Variants in DEF6 observed in about 807,000 individuals in gnomAD.
The protein encoded by DEF6 is DEF6 guanine nucleotide exchange factor.
Under a neutral mutation model 80.5 loss-of-function variants are expected in DEF6, and 32 were observed. That is an observed-to-expected ratio of 0.40 (90% CI 0.30 to 0.53). The LOEUF (loss-of-function observed/expected upper bound fraction) is 0.53, where lower values mean the gene tolerates loss of function less well. DEF6 is among the 20% of genes least tolerant of loss of function. The probability of loss-of-function intolerance (pLI) is 0.57; values close to 1 mark genes in which losing one functional copy is unlikely to be tolerated. For missense variants in DEF6, 575 were observed against 818.7 expected, an observed-to-expected ratio of 0.70 and a Z score of 3.63; for synonymous variants, 300 against 337.9, an observed-to-expected ratio of 0.89 and a Z score of 1.23.
intron 1 of DEF6, among the ~76,000 whole-genome samples, chr6:35,305,359 A>C (rs755967863): frequency 2.5e-4 from 38 of 151,812 alleles, no homozygotes; most frequent in Non-Finnish European, 5.0e-4. Context: ...GCATGGTGAC[A>C]CATGCCTGTA....
chr6:35,305,618 G>A (rs1791378980), intron 1 of DEF6, among the ~76,000 whole-genome samples: 1 of 151,996 alleles, frequency 6.6e-6, no homozygotes, highest in Non-Finnish European at 1.5e-5. Context: ...CACCCAGGCT[G>A]GAGTGCAGTG....
chr6:35,319,531 C>A lies in DEF6; in HGVS notation c.1223C>A (p.Ala408Asp). ...GQLREAEQAR[A>D]SMQAEMELKE... is the part of the protein sequence containing the mutation. ...CACCTCCCCCCTCCACAGGCCCGGG[C>A]CTCCATGCAGGCTGAGATGGAGCTG... The change falls in exon 8 of 11, where the codon GCC becomes GAC. Residue 408 changes from alanine to aspartate, a missense_variant. Transcript: ENST00000316637. This position sits in a 1 kb window ranked among gnomAD's most constrained non-coding sequence, Gnocchi z 4.5. The A allele has an allele frequency of 6.2e-7, 1 of 1,611,074 alleles. No homozygotes were observed. The highest frequency in any genetic ancestry group is 1.8e-4 in the Middle Eastern group (1 of 5,662).
chr6:35,299,718 A>C (rs1313566486), intron 1 of DEF6, among the ~76,000 whole-genome samples: 2 of 152,196 alleles, frequency 1.3e-5, no homozygotes, highest in Middle Eastern at 3.2e-3. Flanking sequence ...TCAATTATAG[A>C]GTTCCCTCCT....
rs1044799317 is a variant in DEF6, at chr6:35,321,538, C to T, written c.*128C>T. On this transcript the variant is annotated 3_prime_UTR_variant, in exon 11 of 11. Coordinates refer to ENST00000316637, the MANE Select transcript of DEF6 (RefSeq NM_022047.4). ...CCTGGTGCCAGGGGCCCAGGCCCTC[C>T]AACCATAAACAGTCCAGGATGGAAC... is the stretch of plus-strand genomic sequence containing the variant. The T allele has an allele frequency of 7.6e-6, 6 of 791,188 alleles. No homozygotes were observed. The highest frequency in any genetic ancestry group is 1.2e-5 in the Non-Finnish European group (6 of 501,832). 49.0% of individuals were successfully genotyped at this position (791,188 alleles called of 1,614,324 possible).
chr6:35,321,229 C>A lies in DEF6; in HGVS notation c.1715C>A (p.Pro572His), dbSNP rs766994403. 1 of 1,613,198 alleles carries A rather than the reference C, an allele frequency of 6.2e-7. No individual in the cohort carries two copies. Among genetic ancestry groups the A allele is most frequent in the Non-Finnish European group, 8.5e-7 (1 of 1,179,970 alleles). The change falls in exon 11 of 11, where the codon CCC becomes CAC. Residue 572 changes from proline to histidine, a missense_variant. Pro to His is a moderately conservative substitution (Grantham distance 77). Transcript: ENST00000316637. ...AGCAGCTCCTTCTCAGGCTTCCAGC[C>A]CCCTCTGCTTGCCCACCGTGACTCC... ...VTSSSFSGFQ[P>H]PLLAHRDSSL... is the part of the protein sequence containing the mutation.
Position 35,312,640 on chromosome 6 carries a change from G to T in DEF6, c.675G>T (p.Lys225Asn), listed in dbSNP as rs1007334490. ...CCGGCTGGCAGGGCTACCTGTGGAA[G>T]CGAGGGCACCTGAGAAGGAACTGGG... ...QDVLKQGYLW[K>N]RGHLRRNWAE... The change falls in exon 5 of 11, where the codon AAG becomes AAT. Residue 225 changes from lysine to asparagine, a missense_variant. Physicochemically the swap from Lys to Asn is moderately conservative, Grantham distance 94. Transcript: ENST00000316637. The surrounding 1 kb of genome is among the most constrained non-coding windows in gnomAD (Gnocchi z 6.6). The T allele has an allele frequency of 6.2e-7, 1 of 1,614,102 alleles. No homozygotes were observed. Among genetic ancestry groups the T allele is most frequent in the Non-Finnish European group, 8.5e-7 (1 of 1,180,038 alleles).
chr6:35,318,578 A>AG lies in DEF6; in HGVS notation c.1215+111dup. 8.9e-7 allele frequency: 1 copy of AG among 1,120,406 alleles called. No individual in the cohort carries two copies. Among genetic ancestry groups the AG allele is most frequent in the Non-Finnish European group, 1.2e-6 (1 of 859,234 alleles). The allele number at this position is 1,120,406 out of a possible 1,614,324, so 69.4% of individuals were successfully genotyped here. ...GGCAGAGGGCGGAGCTCCTGGGTTG[A>AG]GGGGCGTGCACTGGGGTGGAGCTTG... On this transcript the variant is annotated intron_variant, in intron 7 of 10. Coordinates refer to ENST00000316637, the MANE Select transcript of DEF6 (RefSeq NM_022047.4). The surrounding 1 kb of genome is among the most constrained non-coding windows in gnomAD (Gnocchi z 5.1).
At position 35,312,824 on chromosome 6, in the gene DEF6, G is replaced by A. The variant is rs1468768021; in HGVS notation, c.807+52G>A. 6.4e-7 allele frequency: 1 copy of A among 1,572,782 alleles called. No individual in the cohort carries two copies. The highest frequency in any genetic ancestry group is 1.8e-5 in the Admixed American group (1 of 54,652). ...CATCTCAGGGCCCAGAGTGTCCTCA[G>A]GGGCATGAGAAGACAAGGGGGTCAG... is the stretch of plus-strand genomic sequence containing the variant. On this transcript the variant is annotated intron_variant, in intron 5 of 10. Transcript: ENST00000316637. This position sits in a 1 kb window ranked among gnomAD's most constrained non-coding sequence, Gnocchi z 6.6.
chr6:35,306,404 G>A (rs965925659), intron 1 of DEF6, among the ~76,000 whole-genome samples: 10 of 151,422 alleles, frequency 6.6e-5, no homozygotes, highest in African/African-American at 1.7e-4. Flanking sequence ...TCAGCTCTTC[G>A]GGAAGCCGAG....
rs1791474674 is a variant in DEF6, at chr6:35,312,006, T to G, written c.424-296T>G. ...GCACTCCCTTGACACTTTCTGTGAT[T>G]TATTGCCTCTTTCTGGACCCCAGAT... On this transcript the variant is annotated intron_variant, in intron 3 of 10. Transcript: ENST00000316637. The surrounding 1 kb of genome is among the most constrained non-coding windows in gnomAD (Gnocchi z 6.6). Among the ~76,000 whole-genome samples the G allele has an allele frequency of 6.6e-6, 1 of 152,168 alleles. No homozygotes were observed. Among genetic ancestry groups the G allele is most frequent in the Admixed American group, 6.5e-5 (1 of 15,270 alleles).
intron 9 of DEF6, among the ~76,000 whole-genome samples, chr6:35,320,330 T>C (rs968914401): frequency 6.6e-6 from 1 of 152,242 alleles, no homozygotes; most frequent in African/African-American, 2.4e-5. Flanking sequence ...CAAGCCCCTG[T>C]CTTGCTATCC....
chr6:35,319,983 G>T lies in DEF6; in HGVS notation c.1547G>T (p.Arg516Leu). The T allele has an allele frequency of 6.4e-7, 1 of 1,563,814 alleles. No individual in the cohort carries two copies. The highest frequency in any genetic ancestry group is 2.3e-5 in the East Asian group (1 of 42,930). ...QQAQQQLEEV[R>L]QNRQRADEDV... ...GCCCAGCAGCAGCTGGAGGAGGTGC[G>T]GCAGAACCGGCAGAGGGCTGACGAG... Residue 516 changes from arginine (R) to leucine (L), a missense_variant, in exon 9 of 11, where the codon CGG (arginine) becomes CTG (leucine). Arg to Leu is a moderately radical substitution (Grantham distance 102). Transcript: ENST00000316637. This position sits in a 1 kb window ranked among gnomAD's most constrained non-coding sequence, Gnocchi z 4.5.
intron 1 of DEF6, among the ~76,000 whole-genome samples, chr6:35,300,349 G>T (rs1463577338): frequency 6.6e-6 from 1 of 152,112 alleles, no homozygotes; most frequent in African/African-American, 2.4e-5. Context: ...CATCCCTAGC[G>T]TTAGGGTCCT....
chr6:35,314,548 G>C (rs1791503905), intron 5 of DEF6, among the ~76,000 whole-genome samples: 1 of 151,022 alleles, frequency 6.6e-6, no homozygotes, highest in Admixed American at 6.6e-5. Flanking sequence ...TATCTCTGTT[G>C]ACCATTTGTA....
chr6:35,315,847 C>CTTTTTT lies in DEF6; in HGVS notation c.808-2027_808-2022dup, dbSNP rs1159503411. Among the ~76,000 whole-genome samples the CTTTTTT allele has an allele frequency of 1.1e-3, 120 of 113,840 alleles. 2 individuals are homozygous for CTTTTTT. The highest frequency in any genetic ancestry group is 3.4e-3 in the African/African-American group (91 of 26,794). 74.7% of individuals were successfully genotyped at this position (113,840 alleles called of 152,430 possible). A position where few individuals can be genotyped will look rare whatever the true frequency, so the allele number is the denominator to read the frequency against. ...CTCTAACGGTTTTTTGTTGGAGTCCCTTTTTTTTTTTTTTTTTTTTTTGAG... is the reference window on the plus strand; with the variant it reads ...CTCTAACGGTTTTTTGTTGGAGTCCCTTTTTTTTTTTTTTTTTTTTTTTTTTTTGAG... On this transcript the variant is annotated intron_variant, in intron 5 of 10. Coordinates refer to ENST00000316637, the MANE Select transcript of DEF6 (RefSeq NM_022047.4).
At chr6:35,317,541 A>C in intron 5 of DEF6, 1 of 176,466 alleles carries the variant, frequency 5.7e-6, no homozygotes, top group South Asian at 1.6e-4. Context: ...ATGAACTCTT[A>C]ACAAGCAGGG....
intron 1 of DEF6, among the ~76,000 whole-genome samples, chr6:35,301,292 C>A: frequency 6.6e-6 from 1 of 152,122 alleles, no homozygotes; most frequent in Non-Finnish European, 1.5e-5. Flanking sequence ...ACTGGTCTCC[C>A]CAGGCTAGGA....
Position 35,320,649 on chromosome 6 carries a change from C to T in DEF6, c.1582-235C>T, listed in dbSNP as rs114569474. Among the ~76,000 whole-genome samples the T allele has an allele frequency of 2.4e-3, 362 of 152,278 alleles. 1 individual carries two copies. Among genetic ancestry groups the T allele is most frequent in the Non-Finnish European group, 3.7e-3 (249 of 68,024 alleles). ...TAGCACATCTTAGCTGCTCAATAAA[C>T]GGAAACTATTATTATGGTTACATTT... On this transcript the variant is annotated intron_variant, in intron 9 of 10. Transcript: ENST00000316637.
At chr6:35,308,503 T>C (rs1791421153) in intron 1 of DEF6, among the ~76,000 whole-genome samples, 1 of 151,934 alleles carries the variant, frequency 6.6e-6, no homozygotes, top group Non-Finnish European at 1.5e-5. Flanking sequence ...TGAAACCCTG[T>C]CTCTACTAAA....
Sources: gnomAD v4.1 joint callset for allele counts (sites outside exome capture counted in the v4.1 genomes callset) on GRCh38, gnomAD v4.1.1 for gene constraint, Gnocchi (gnomAD v3.1) non-coding constraint, MANE v1.5 for transcripts, NCBI Gene and HGNC (gene_info 2026-07-23, HGNC 2026-07-21) for gene names.